LRRC31: variants seen among roughly 807,000 people sequenced by gnomAD.
LRRC31 encodes leucine-rich repeat-containing protein 31.
LRRC31 carries 35 observed loss-of-function variants against 46.7 expected under a neutral mutation model. The observed-to-expected ratio is 0.75, with a 90% confidence interval of 0.57 to 0.99. The LOEUF (loss-of-function observed/expected upper bound fraction) is 0.99, where lower values mean the gene tolerates loss of function less well. LRRC31 is among the 50% of genes least tolerant of loss of function. The pLI is 0.00. For synonymous variants in LRRC31, 236 were observed against 235.1 expected (o/e 1.00, Z -0.03); for missense variants, 613 against 626.1 (o/e 0.98, Z 0.22).
rs138006387 is a variant in LRRC31 at position 169,865,869 on chromosome 3, G to C, written c.175+3764C>G. ...GATAAGTCGGGGGGTTGCAGGGGAGGATGGTGACACGAGGGAACATCTTTC... is the reference window on the plus strand; with the variant it reads ...GATAAGTCGGGGGGTTGCAGGGGAGCATGGTGACACGAGGGAACATCTTTC... On this transcript the variant is annotated intron_variant, in intron 1 of 8. Coordinates refer to ENST00000316428, the MANE Select transcript of LRRC31 (RefSeq NM_024727.4). Among the ~76,000 whole-genome samples, 316 of 152,180 alleles carry C rather than the reference G, an allele frequency of 2.1e-3. 2 individuals are homozygous for C. Among genetic ancestry groups the C allele is most frequent in the African/African-American group, 7.2e-3 (301 of 41,526 alleles).
rs370169535 is a variant in LRRC31 at position 169,840,189 on chromosome 3, G to T, written c.1452C>A (p.Ile484=). The T allele has an allele frequency of 1.9e-6, 3 of 1,614,088 alleles. No homozygotes were observed. The highest frequency in any genetic ancestry group is 2.5e-6 in the Non-Finnish European group (3 of 1,180,012). The change falls in exon 9 of 9, where the codon ATC becomes ATA. Residue 484 remains isoleucine (I), a synonymous_variant. Coordinates refer to ENST00000316428, the MANE Select transcript of LRRC31 (RefSeq NM_024727.4). ...CQNVRFLKEL[I]ELDISLRPSN... ...ATGGTCGAAGGCTAATATCCAGCTCGATTAGCTCTTTGAGGAACCGCACGT... is the reference window on the plus strand; with the variant it reads ...ATGGTCGAAGGCTAATATCCAGCTCTATTAGCTCTTTGAGGAACCGCACGT...
At chr3:169,853,781 A>G (rs1176764605) in intron 6 of LRRC31, 1 of 917,860 alleles carries the variant, frequency 1.1e-6, no homozygotes, top group African/African-American at 1.8e-5. Flanking sequence ...TTAGACCTAG[A>G]AACATATTTT....
intron 6 of LRRC31, among the ~76,000 whole-genome samples, chr3:169,852,600 GA>G (rs1419122887): frequency 6.6e-6 from 1 of 152,148 alleles, no homozygotes; most frequent in African/African-American, 2.4e-5. Flanking sequence ...CAAGCCATCA[GA>G]ACAGACACCT....
At chr3:169,861,993 G>A (rs1159907557) in intron 1 of LRRC31, among the ~76,000 whole-genome samples, 180 bp from the exon 2 acceptor site, 2 of 152,140 alleles carry the variant, frequency 1.3e-5, no homozygotes, top group Non-Finnish European at 2.9e-5. Context: ...TGTTCCTGCC[G>A]CCAGGTGCCC....
chr3:169,841,298 G>A (rs1780439332), intron 8 of LRRC31, among the ~76,000 whole-genome samples: 1 of 152,190 alleles, frequency 6.6e-6, no homozygotes, highest in Non-Finnish European at 1.5e-5. Context: ...CTGCAGTGTT[G>A]GACAACAGCC....
At chr3:169,845,010 A>T (rs1363715272) in intron 8 of LRRC31, among the ~76,000 whole-genome samples, 2 of 152,088 alleles carry the variant, frequency 1.3e-5, no homozygotes, top group African/African-American at 4.8e-5. Flanking sequence ...ATCCTACAGG[A>T]TCTACCAAAA....
intron 8 of LRRC31, among the ~76,000 whole-genome samples, chr3:169,847,711 A>G (rs1303056221): frequency 6.6e-6 from 1 of 152,222 alleles, no homozygotes; most frequent in African/African-American, 2.4e-5. Context: ...TTTCAGTTAC[A>G]GTGATAATCA....
At chr3:169,852,361 C>T (rs1327545737) in intron 6 of LRRC31, among the ~76,000 whole-genome samples, 3 of 148,168 alleles carry the variant, frequency 2.0e-5, no homozygotes, top group African/African-American at 7.5e-5. Flanking sequence ...CGAGATTGCG[C>T]CACTGCACTC....
At chr3:169,840,600 A>G (rs1433594886) in intron 8 of LRRC31, among the ~76,000 whole-genome samples, 1 of 151,990 alleles carries the variant, frequency 6.6e-6, no homozygotes, top group Non-Finnish European at 1.5e-5. Flanking sequence ...CTTCCTACAG[A>G]TTTTCTCTAA....
rs534802535 is a variant in LRRC31, at chr3:169,859,825, G to A, written c.487+736C>T. Among the ~76,000 whole-genome samples, 12 of 152,238 alleles carry A rather than the reference G, an allele frequency of 7.9e-5. No homozygotes were observed. In the East Asian group the frequency reaches 2.3e-3, roughly 29 times the overall value. ...ACATGAAGTAACAGACCCAGTGTAA[G>A]CATGTTTTACAGTAACCTCCATTGA... On this transcript the variant is annotated intron_variant, in intron 3 of 8. Coordinates refer to ENST00000316428, the MANE Select transcript of LRRC31 (RefSeq NM_024727.4).
intron 1 of LRRC31, among the ~76,000 whole-genome samples, chr3:169,867,730 TA>T (rs1278214016): frequency 1.3e-5 from 2 of 152,270 alleles, no homozygotes; most frequent in African/African-American, 4.8e-5. Context: ...TGCATATGCT[TA>T]AAATGTTTTT....
chr3:169,864,929 T>C (rs1781285049), intron 1 of LRRC31, among the ~76,000 whole-genome samples: 1 of 151,992 alleles, frequency 6.6e-6, no homozygotes, highest in African/African-American at 2.4e-5. Flanking sequence ...ATACAAAAAT[T>C]TGCCAGGCGT....
intron 1 of LRRC31, among the ~76,000 whole-genome samples, chr3:169,865,367 G>A (rs1009290527): frequency 5.9e-5 from 9 of 152,300 alleles, no homozygotes; most frequent in African/African-American, 2.2e-4. Flanking sequence ...AGTGGGGTGG[G>A]AGGCACCCAT....
chr3:169,868,965 T>G (rs1781410789), intron 1 of LRRC31, among the ~76,000 whole-genome samples: 1 of 151,930 alleles, frequency 6.6e-6, no homozygotes, highest in Non-Finnish European at 1.5e-5. Context: ...ATATATAAGA[T>G]CTACTGTTTG....
At chr3:169,861,064 C>G (rs937654494) in intron 2 of LRRC31, among the ~76,000 whole-genome samples, 1 of 135,660 alleles carries the variant, frequency 7.4e-6, no homozygotes, top group Non-Finnish European at 1.6e-5. Context: ...ACTTGTTTTT[C>G]TTTTCCTTTT....
chr3:169,860,761 G>A (rs769647304), intron 2 of LRRC31, 33 bp from the exon 3 acceptor site: 3 of 1,594,648 alleles, frequency 1.9e-6, no homozygotes, highest in Non-Finnish European at 8.6e-7. Flanking sequence ...ACAGATATGT[G>A]TATGTGACTT....
chr3:169,851,618 C>T lies in LRRC31; in HGVS notation c.1159+1G>A. ...CTGCAGGGATCTGGGAAATCTCTTA[C>T]CAAGAGCTGTAAAAGTCTCACTCTC... On this transcript the variant is annotated splice_donor_variant, in intron 7 of 8. Coordinates refer to ENST00000316428, the MANE Select transcript of LRRC31 (RefSeq NM_024727.4). LOFTEE classifies it high-confidence loss of function. The T allele has an allele frequency of 6.2e-7, 1 of 1,612,744 alleles. No homozygotes were observed. Among genetic ancestry groups the T allele is most frequent in the South Asian group, 1.1e-5 (1 of 90,872 alleles).
At chr3:169,853,668 G>C (rs1780856764) in intron 6 of LRRC31, 3 of 985,556 alleles carry the variant, frequency 3.0e-6, no homozygotes, top group Non-Finnish European at 3.6e-6. Context: ...GGATTATTTT[G>C]TCATTTTAAA....
At chr3:169,842,516 A>G (rs1290938684) in intron 8 of LRRC31, among the ~76,000 whole-genome samples, 3 of 151,888 alleles carry the variant, frequency 2.0e-5, no homozygotes, top group South Asian at 2.1e-4. Flanking sequence ...ATGCCCAGCT[A>G]ATTTGTGTAC....
Sources: allele counts gnomAD v4.1 joint callset (sites outside exome capture counted in the v4.1 genomes callset), GRCh38; gene constraint gnomAD v4.1.1; transcripts MANE v1.5; gene names NCBI Gene and HGNC (gene_info 2026-07-23, HGNC 2026-07-21).